Variants in UBE2F observed in about 807,000 individuals in gnomAD.
The protein encoded by UBE2F is ubiquitin conjugating enzyme E2 F (putative).
In UBE2F, 5 loss-of-function variants were observed where a neutral mutation model predicts 29.6. That is an observed-to-expected ratio of 0.17 (90% CI 0.09 to 0.36). The LOEUF (loss-of-function observed/expected upper bound fraction) is 0.36, where lower values mean the gene tolerates loss of function less well. UBE2F is among the 10% of genes least tolerant of loss of function. UBE2F has a pLI of 1.00. For synonymous variants in UBE2F, 66 were observed against 81.8 expected, an observed-to-expected ratio of 0.81 and a Z score of 1.04; for missense variants, 141 against 228.5, an observed-to-expected ratio of 0.62 and a Z score of 2.47.
At chr2:237,973,368 T>G in intron 2 of UBE2F, 143 bp downstream of exon 2, 1 of 973,258 alleles carries the variant, frequency 1.0e-6, no homozygotes, top group Non-Finnish European at 1.5e-6. Flanking sequence ...TTATCTCTTA[T>G]AGTGAAGGAC....
At chr2:238,021,333 CCTT>C (rs772618511) in intron 5 of UBE2F, among the ~76,000 whole-genome samples, 5 of 152,166 alleles carry the variant, frequency 3.3e-5, no homozygotes, top group South Asian at 2.1e-4. Flanking sequence ...TCCCACTCTC[CCTT>C]CTTCTTCATA....
intron 1 of UBE2F, among the ~76,000 whole-genome samples, chr2:237,972,292 G>A (rs1559197584): frequency 6.6e-6 from 1 of 152,212 alleles, no homozygotes; most frequent in Non-Finnish European, 1.5e-5. Flanking sequence ...CAGAGGCTGT[G>A]CTGCTTCAGT....
At chr2:238,013,679 G>A (rs143806011) in intron 4 of UBE2F, among the ~76,000 whole-genome samples, 2 of 152,226 alleles carry the variant, frequency 1.3e-5, no homozygotes, top group Non-Finnish European at 2.9e-5. Context: ...CCTTCAAAAG[G>A]TTTGTTTTCC....
At chr2:237,972,622 C>G (rs1267525322) in intron 1 of UBE2F, among the ~76,000 whole-genome samples, 1 of 146,606 alleles carries the variant, frequency 6.8e-6, no homozygotes, top group Non-Finnish European at 1.5e-5. Flanking sequence ...ACAATCACGG[C>G]TCACGGTATC....
chr2:238,023,866 A>G (rs2106394467), intron 5 of UBE2F, among the ~76,000 whole-genome samples: 1 of 152,270 alleles, frequency 6.6e-6, no homozygotes, highest in East Asian at 1.9e-4. Flanking sequence ...ATCAGAAGCT[A>G]GGGTTTATGA....
chr2:237,975,280 TTTA>T (rs2063258253), intron 2 of UBE2F, among the ~76,000 whole-genome samples: 1 of 151,848 alleles, frequency 6.6e-6, no homozygotes, highest in Non-Finnish European at 1.5e-5. Context: ...CTTTTTATTT[TTTA>T]TTTTTTTGTA....
At chr2:238,018,573 T>A (rs995194463) in intron 5 of UBE2F, among the ~76,000 whole-genome samples, 3 of 152,148 alleles carry the variant, frequency 2.0e-5, no homozygotes, top group Non-Finnish European at 4.4e-5. Context: ...ATTTATTTAT[T>A]TATTTATTTA....
chr2:237,980,250 T>G (rs949970813), intron 2 of UBE2F, among the ~76,000 whole-genome samples: 3 of 152,240 alleles, frequency 2.0e-5, no homozygotes, highest in African/African-American at 7.2e-5. Context: ...GTCCTCTGCC[T>G]GTGTGACCAG....
chr2:237,996,133 A>T (rs1369716706), intron 4 of UBE2F, among the ~76,000 whole-genome samples: 2 of 152,126 alleles, frequency 1.3e-5, no homozygotes, highest in Non-Finnish European at 2.9e-5. Context: ...TATTGAGCAC[A>T]CTCTAATGCT....
chr2:238,028,547 A>G (rs2064489325), intron 6 of UBE2F, among the ~76,000 whole-genome samples: 1 of 152,258 alleles, frequency 6.6e-6, no homozygotes, highest in Admixed American at 6.5e-5. Context: ...GACAATTCAG[A>G]TCCACAAGTC....
At chr2:238,025,205 G>A (rs752741836) in intron 5 of UBE2F, 137 bp from the exon 6 acceptor site, 39 of 715,826 alleles carry the variant, frequency 5.4e-5, no homozygotes, top group Non-Finnish European at 7.9e-5. Flanking sequence ...GGTTGAACAC[G>A]TGTTCAGCGA....
chr2:238,001,045 T>TC (rs912548590), intron 4 of UBE2F, among the ~76,000 whole-genome samples: 2 of 149,702 alleles, frequency 1.3e-5, no homozygotes, highest in African/African-American at 4.9e-5. Flanking sequence ...TTTTTTTTTT[T>TC]TTTTTTGAGG....
chr2:238,019,898 G>C (rs1338750683), intron 5 of UBE2F, among the ~76,000 whole-genome samples: 1 of 152,102 alleles, frequency 6.6e-6, no homozygotes, highest in East Asian at 1.9e-4. Context: ...GACCTCAGGT[G>C]ATCCGCTGCC....
rs200050609 is a variant in UBE2F at position 237,991,561 on chromosome 2, A to AT, written c.149-3168dup. Among the ~76,000 whole-genome samples, 1,111 of 132,384 alleles carry AT rather than the reference A, an allele frequency of 8.4e-3. 4 individuals are homozygous for AT. Among genetic ancestry groups the AT allele is most frequent in the East Asian group, 0.023 (107 of 4,568 alleles). 86.8% of individuals were successfully genotyped at this position (132,384 alleles called of 152,430 possible). A position where few individuals can be genotyped will look rare whatever the true frequency, so the allele number is the denominator to read the frequency against. On this transcript the variant is annotated intron_variant, in intron 3 of 9. Coordinates refer to ENST00000272930, the MANE Select transcript of UBE2F (RefSeq NM_080678.3). ...TTGAACTGGAACAAAAACCTGTTAA[A>AT]TTTTTTTTTTTTTTTAGAACTTAAC...
chr2:237,973,991 GTATTT>G (rs1463181554), intron 2 of UBE2F, among the ~76,000 whole-genome samples: 1 of 152,104 alleles, frequency 6.6e-6, no homozygotes, highest in Non-Finnish European at 1.5e-5. Context: ...AGTTAACTTT[GTATTT>G]TATTTATTTA....
At chr2:237,977,596 T>G (rs2063306878) in intron 2 of UBE2F, among the ~76,000 whole-genome samples, 1 of 152,186 alleles carries the variant, frequency 6.6e-6, no homozygotes, top group South Asian at 2.1e-4. Context: ...GGGTGGCTTG[T>G]TGACCCTGGT....
At chr2:237,968,179 C>T (rs1370812233) in intron 1 of UBE2F, among the ~76,000 whole-genome samples, 2 of 152,020 alleles carry the variant, frequency 1.3e-5, no homozygotes, top group Non-Finnish European at 2.9e-5. Flanking sequence ...GAGATGAAGG[C>T]AAGGGGGAGC....
intron 2 of UBE2F, among the ~76,000 whole-genome samples, chr2:237,978,228 C>A (rs2063319427): frequency 6.6e-6 from 1 of 152,214 alleles, no homozygotes; most frequent in Non-Finnish European, 1.5e-5. Context: ...GGGCTGATTG[C>A]TGAAGGCTGC....
intron 5 of UBE2F, among the ~76,000 whole-genome samples, chr2:238,023,739 A>G (rs916883773): frequency 4.6e-5 from 7 of 152,312 alleles, no homozygotes; most frequent in African/African-American, 1.7e-4. Flanking sequence ...ACTTCTGCAT[A>G]TTAACCAAGG....
Sources: allele counts gnomAD v4.1 joint callset (sites outside exome capture counted in the v4.1 genomes callset), GRCh38; gene constraint gnomAD v4.1.1; transcripts MANE v1.5; gene names NCBI Gene and HGNC (gene_info 2026-07-23, HGNC 2026-07-21).